The following BBS9 variants were observed in gnomAD, a reference collection of about 807,000 sequenced individuals.
BBS9 encodes the protein Bardet-Biedl syndrome 9, also known as protein PTHB1.
BBS9 carries 89 observed loss-of-function variants against 117.7 expected under a neutral mutation model. The observed-to-expected ratio is 0.76, with a 90% CI of 0.64 to 0.90. The LOEUF is 0.90. Ranked by LOEUF, BBS9 falls within the 40% of genes least tolerant of loss-of-function variation. The pLI, the probability that BBS9 is intolerant of heterozygous loss-of-function variation, is 0.00. For missense variants in BBS9, 982 were observed against 1,042.2 expected, an observed-to-expected ratio of 0.94 and a Z score of 0.80; for synonymous variants, 379 against 370.9, an observed-to-expected ratio of 1.02 and a Z score of -0.25.
chr7:33,317,713 G>T (rs1411936019), intron 9 of BBS9, among the ~76,000 whole-genome samples: 1 of 152,170 alleles, frequency 6.6e-6, no homozygotes. Context: ...AATCAGAAGA[G>T]ATCTTTGTCA....
At chr7:33,328,261 CTCT>C (rs1813251196) in intron 9 of BBS9, among the ~76,000 whole-genome samples, 1 of 152,226 alleles carries the variant, frequency 6.6e-6, no homozygotes, top group Non-Finnish European at 1.5e-5. Context: ...CCATTGCACT[CTCT>C]TCTTACTGTG....
intron 19 of BBS9, among the ~76,000 whole-genome samples, chr7:33,494,627 A>C (rs1844472779): frequency 6.6e-6 from 1 of 152,194 alleles, no homozygotes; most frequent in Non-Finnish European, 1.5e-5. Context: ...CCCTTACCCA[A>C]GTAGTGGTCC....
chr7:33,632,198 C>T (rs962779544), intron 21 of BBS9, among the ~76,000 whole-genome samples: 1 of 152,138 alleles, frequency 6.6e-6, no homozygotes, highest in African/African-American at 2.4e-5. Context: ...CTCCTGTCCT[C>T]GGTGTTACTT....
intron 21 of BBS9, among the ~76,000 whole-genome samples, chr7:33,618,700 A>G (rs545633185): frequency 6.6e-6 from 1 of 152,232 alleles, no homozygotes; most frequent in African/African-American, 2.4e-5. Context: ...TTTTTTTAAA[A>G]TGTAAATTAT....
chr7:33,160,419 G>A (rs190211105), intron 4 of BBS9, among the ~76,000 whole-genome samples: 2 of 152,222 alleles, frequency 1.3e-5, no homozygotes, highest in East Asian at 1.9e-4. Flanking sequence ...TGAGGCATAA[G>A]GTATTCCATG....
intron 16 of BBS9, among the ~76,000 whole-genome samples, chr7:33,365,438 G>A (rs1459020413): frequency 6.6e-6 from 1 of 152,240 alleles, no homozygotes; most frequent in Non-Finnish European, 1.5e-5. Flanking sequence ...TGTGGTTGGT[G>A]TTGGTTAAGA....
intron 21 of BBS9, among the ~76,000 whole-genome samples, chr7:33,544,166 G>A (rs753468488): frequency 1.5e-4 from 23 of 152,090 alleles, no homozygotes; most frequent in Admixed American, 1.0e-3. Flanking sequence ...TCCCTGATTA[G>A]CTTAATAACT....
At chr7:33,541,770 A>G (rs954188607) in intron 21 of BBS9, among the ~76,000 whole-genome samples, 4 of 152,178 alleles carry the variant, frequency 2.6e-5, no homozygotes, top group Non-Finnish European at 5.9e-5. Context: ...GACAGAAAGT[A>G]TGTTAGTGGT....
At chr7:33,544,566 G>C (rs539815510) in intron 21 of BBS9, among the ~76,000 whole-genome samples, 1 of 152,200 alleles carries the variant, frequency 6.6e-6, no homozygotes, top group Non-Finnish European at 1.5e-5. Flanking sequence ...TCTCTCAGCA[G>C]TGGATACCAG....
chr7:33,453,614 C>G (rs917068448), intron 19 of BBS9, among the ~76,000 whole-genome samples: 1 of 151,618 alleles, frequency 6.6e-6, no homozygotes, highest in African/African-American at 2.4e-5. Flanking sequence ...CTCTGCCTCC[C>G]AGGTTCAAGC....
intron 19 of BBS9, among the ~76,000 whole-genome samples, chr7:33,398,819 G>T (rs1305350171): frequency 6.6e-6 from 1 of 152,140 alleles, no homozygotes; most frequent in Non-Finnish European, 1.5e-5. Context: ...GTTCACTGCT[G>T]GGACTACAGG....
At chr7:33,457,851 A>G (rs1453374828) in intron 19 of BBS9, among the ~76,000 whole-genome samples, 1 of 152,192 alleles carries the variant, frequency 6.6e-6, no homozygotes, top group African/African-American at 2.4e-5. Context: ...CAATGCTCTT[A>G]AAGTGCCCAT....
At position 33,411,106 on chromosome 7, in the gene BBS9, C is replaced by G. The variant is rs1054198244; in HGVS notation, c.2115+22962C>G. The stretch of plus-strand genomic sequence containing the variant: ...TAATTATATGCAGAAATGCAGCCTT[C>G]TTTTAGCCGGAAAGGATGCCTGGAA... On this transcript the variant is annotated intron_variant, in intron 19 of 22. Coordinates refer to ENST00000242067, the MANE Select transcript of BBS9 (RefSeq NM_198428.3). Among the ~76,000 whole-genome samples the G allele has an allele frequency of 1.4e-5, 2 of 145,676 alleles. 1 individual carries two copies.
chr7:33,331,696 C>A (rs575465981), intron 9 of BBS9, among the ~76,000 whole-genome samples: 3 of 150,140 alleles, frequency 2.0e-5, no homozygotes, highest in Non-Finnish European at 4.4e-5. Flanking sequence ...CACACAACTC[C>A]CCCCAAAAAA....
intron 20 of BBS9, among the ~76,000 whole-genome samples, chr7:33,527,892 A>T: frequency 6.6e-6 from 1 of 152,220 alleles, no homozygotes; most frequent in South Asian, 2.1e-4. Context: ...CTGAACCTAG[A>T]TGTTTCCTGA....
chr7:33,548,777 G>A (rs1422248074), intron 21 of BBS9, among the ~76,000 whole-genome samples: 15 of 150,862 alleles, frequency 9.9e-5, no homozygotes, highest in Non-Finnish European at 1.6e-4. Context: ...GAATAAAAGA[G>A]GATACAAACA....
At chr7:33,201,634 A>G (rs1284377901) in intron 5 of BBS9, among the ~76,000 whole-genome samples, 1 of 151,886 alleles carries the variant, frequency 6.6e-6, no homozygotes, top group Non-Finnish European at 1.5e-5. Flanking sequence ...TTCCATTTTC[A>G]CAGATTGTGG....
intron 20 of BBS9, among the ~76,000 whole-genome samples, chr7:33,510,669 T>A (rs2129024450): frequency 6.6e-6 from 1 of 152,240 alleles, no homozygotes; most frequent in South Asian, 2.1e-4. Flanking sequence ...TAGCCCCTTG[T>A]CATGTGAATT....
chr7:33,142,487 T>G (rs1201031300), intron 1 of BBS9, among the ~76,000 whole-genome samples: 1 of 152,236 alleles, frequency 6.6e-6, no homozygotes. Flanking sequence ...ATCTAACCAT[T>G]TTTAACTATA....
Sources: allele counts gnomAD v4.1 joint callset (sites outside exome capture counted in the v4.1 genomes callset), GRCh38; gene constraint gnomAD v4.1.1; transcripts MANE v1.5; gene names NCBI Gene and HGNC (gene_info 2026-07-23, HGNC 2026-07-21).